Variants in LDB2 observed in about 807,000 individuals in gnomAD.
The protein encoded by LDB2 is LIM domain binding 2, also known as LIM domain-binding protein 2.
A neutral mutation model predicts 44.3 loss-of-function variants in LDB2; 12 were observed. That is an observed-to-expected ratio of 0.27 (90% CI 0.17 to 0.44). The LOEUF is 0.44. Among genes scored for constraint, LDB2 ranks in the 20% least tolerant of loss-of-function variants. LDB2 has a pLI of 1.00. For missense variants in LDB2, 344 were observed against 473.5 expected, an observed-to-expected ratio of 0.73 and a Z score of 2.54; for synonymous variants, 164 against 174.8, an observed-to-expected ratio of 0.94 and a Z score of 0.49.
chr4:16,608,571 T>G (rs1724623202), intron 2 of LDB2, among the ~76,000 whole-genome samples: 1 of 152,206 alleles, frequency 6.6e-6, no homozygotes, highest in Non-Finnish European at 1.5e-5. Context: ...ATGGCCCTGG[T>G]CAACCTGATC....
chr4:16,832,750 C>T (rs973266153), intron 1 of LDB2, among the ~76,000 whole-genome samples: 3 of 152,180 alleles, frequency 2.0e-5, no homozygotes, highest in Non-Finnish European at 2.9e-5. Flanking sequence ...TTAGGATCAT[C>T]AGACTTAAGG....
At chr4:16,658,371 A>T (rs1210355271) in intron 2 of LDB2, among the ~76,000 whole-genome samples, 2 of 152,210 alleles carry the variant, frequency 1.3e-5, no homozygotes, top group Non-Finnish European at 2.9e-5. Context: ...CTCTTATACC[A>T]GTGTCTCCAT....
intron 2 of LDB2, among the ~76,000 whole-genome samples, chr4:16,683,626 T>G (rs1041153667): frequency 6.6e-6 from 1 of 152,228 alleles, no homozygotes; most frequent in Non-Finnish European, 1.5e-5. Flanking sequence ...TAAACTTCTA[T>G]CAGTGAAGAC....
At chr4:16,858,687 TG>T (rs1307341318) in intron 1 of LDB2, among the ~76,000 whole-genome samples, 3 of 152,238 alleles carry the variant, frequency 2.0e-5, no homozygotes, top group Non-Finnish European at 2.9e-5. Flanking sequence ...GGGGTATTGT[TG>T]GAGCTTCCTG....
At chr4:16,806,280 T>G (rs573817035) in intron 1 of LDB2, among the ~76,000 whole-genome samples, 1 of 152,242 alleles carries the variant, frequency 6.6e-6, no homozygotes, top group Non-Finnish European at 1.5e-5. Context: ...GCACTTACTG[T>G]GGATCTTGTA....
chr4:16,545,204 C>T (rs1407738295), intron 5 of LDB2, among the ~76,000 whole-genome samples: 3 of 150,100 alleles, frequency 2.0e-5, no homozygotes, highest in Non-Finnish European at 3.0e-5. Context: ...TCCCTCCCTT[C>T]CTTCTGTTTT....
At chr4:16,633,917 A>G (rs919407573) in intron 2 of LDB2, among the ~76,000 whole-genome samples, 1 of 152,216 alleles carries the variant, frequency 6.6e-6, no homozygotes, top group Non-Finnish European at 1.5e-5. Context: ...AAACAGATAT[A>G]TAGACCAATG....
chr4:16,894,279 T>A (rs893168045), intron 1 of LDB2, among the ~76,000 whole-genome samples: 1 of 152,172 alleles, frequency 6.6e-6, no homozygotes, highest in African/African-American at 2.4e-5. Flanking sequence ...TTTGACAGCA[T>A]ACACAACAGA....
intron 2 of LDB2, among the ~76,000 whole-genome samples, chr4:16,659,138 G>A (rs563640966): frequency 6.6e-6 from 1 of 152,274 alleles, no homozygotes; most frequent in South Asian, 2.1e-4. Context: ...CATATACGAA[G>A]GTTCTGCTCC....
At chr4:16,808,314 C>T (rs1030004289) in intron 1 of LDB2, among the ~76,000 whole-genome samples, 2 of 152,140 alleles carry the variant, frequency 1.3e-5, no homozygotes, top group African/African-American at 4.8e-5. Flanking sequence ...TTCAGCAAGA[C>T]ACAGACATGG....
intron 1 of LDB2, among the ~76,000 whole-genome samples, chr4:16,820,586 T>C (rs1781764183): frequency 6.6e-6 from 1 of 152,204 alleles, no homozygotes; most frequent in African/African-American, 2.4e-5. Flanking sequence ...AGAGCTTTCC[T>C]GGCAGTGAAC....
chr4:16,727,116 C>T (rs973377567), intron 2 of LDB2, among the ~76,000 whole-genome samples: 2 of 152,190 alleles, frequency 1.3e-5, no homozygotes, highest in African/African-American at 4.8e-5. Context: ...TCAGTTTCCT[C>T]TCAGGGTGGC....
intron 1 of LDB2, among the ~76,000 whole-genome samples, chr4:16,843,182 A>C (rs1013898377): frequency 1.3e-5 from 2 of 152,204 alleles, no homozygotes; most frequent in Admixed American, 6.5e-5. Flanking sequence ...TATCCAGTGA[A>C]TTTATTATAA....
chr4:16,893,452 G>A (rs1445645989), intron 1 of LDB2, among the ~76,000 whole-genome samples: 1 of 151,988 alleles, frequency 6.6e-6, no homozygotes, highest in African/African-American at 2.4e-5. Flanking sequence ...GTTACAACGT[G>A]AAACCCTGTG....
At chr4:16,786,020 A>C (rs556158699) in intron 1 of LDB2, among the ~76,000 whole-genome samples, 1 of 152,294 alleles carries the variant, frequency 6.6e-6, no homozygotes, top group Non-Finnish European at 1.5e-5. Context: ...AGAAAAATGT[A>C]ATCAGATATT....
intron 1 of LDB2, among the ~76,000 whole-genome samples, chr4:16,846,567 G>C (rs1465536171): frequency 6.6e-6 from 1 of 152,094 alleles, no homozygotes; most frequent in East Asian, 1.9e-4. Flanking sequence ...AGTAGTTTGA[G>C]AGAGTATTTC....
At chr4:16,797,291 AG>A (rs1275109986) in intron 1 of LDB2, among the ~76,000 whole-genome samples, 1 of 152,182 alleles carries the variant, frequency 6.6e-6, no homozygotes, top group Non-Finnish European at 1.5e-5. Context: ...CCATTGTTCA[AG>A]GGTCAACTGT....
intron 2 of LDB2, among the ~76,000 whole-genome samples, chr4:16,618,951 T>A (rs1393853078): frequency 6.6e-6 from 1 of 152,090 alleles, no homozygotes; most frequent in Non-Finnish European, 1.5e-5. Flanking sequence ...ACCTCCCCCA[T>A]CAGTCTCTTC....
chr4:16,898,509 G>T lies in LDB2; in HGVS notation c.-24C>A. The T allele has an allele frequency of 6.2e-7, 1 of 1,612,352 alleles. No homozygotes were observed. The highest frequency in any genetic ancestry group is 8.5e-7 in the Non-Finnish European group (1 of 1,179,156). On this transcript the variant is annotated 5_prime_UTR_variant, in exon 1 of 8. Coordinates refer to ENST00000304523, the MANE Select transcript of LDB2 (RefSeq NM_001290.5). ...ATCTTGCCTGCTTTTCGAAAATCAA[G>T]CTAAACAGAGTATCAGTAACGTCCA...
Sources: allele counts gnomAD v4.1 joint callset (sites outside exome capture counted in the v4.1 genomes callset), GRCh38; gene constraint gnomAD v4.1.1; transcripts MANE v1.5; gene names NCBI Gene and HGNC (gene_info 2026-07-23, HGNC 2026-07-21).